INPP4B: variants seen among roughly 807,000 people sequenced by gnomAD.
The protein encoded by INPP4B is inositol polyphosphate-4-phosphatase type II B, also known as inositol polyphosphate 4-phosphatase type II.
Under a neutral mutation model 122.5 loss-of-function variants are expected in INPP4B, and 55 were observed. The observed-to-expected ratio is 0.45, with a 90% CI of 0.36 to 0.56. The LOEUF (loss-of-function observed/expected upper bound fraction) is 0.56. Ranked by LOEUF, INPP4B falls within the 20% of genes least tolerant of loss-of-function variation. INPP4B has a pLI of 0.00. For synonymous variants in INPP4B, 403 were observed against 388.7 expected (o/e 1.04, Z -0.43); for missense variants, 1,000 against 1,097.7 (o/e 0.91, Z 1.26).
intron 2 of INPP4B, among the ~76,000 whole-genome samples, chr4:142,653,472 C>G (rs1486340548): frequency 6.6e-6 from 1 of 152,048 alleles, no homozygotes; most frequent in East Asian, 1.9e-4. Context: ...GCAATCTACC[C>G]ATCTGACAAA....
chr4:142,362,938 A>G (rs942015573), intron 7 of INPP4B, among the ~76,000 whole-genome samples: 3 of 152,050 alleles, frequency 2.0e-5, no homozygotes, highest in Non-Finnish European at 4.4e-5. Context: ...TCTCAGCCTC[A>G]TGCAATATAT....
intron 21 of INPP4B, among the ~76,000 whole-genome samples, chr4:142,115,407 G>C (rs1792633348): frequency 6.6e-6 from 1 of 152,182 alleles, no homozygotes; most frequent in Non-Finnish European, 1.5e-5. Context: ...AGGGCAGTCA[G>C]AGAGAAAGAT....
chr4:142,459,206 T>A (rs1816183548), intron 3 of INPP4B, among the ~76,000 whole-genome samples: 1 of 151,596 alleles, frequency 6.6e-6, no homozygotes, highest in Admixed American at 6.6e-5. Flanking sequence ...TCACATATTA[T>A]GTGGCTTGAC....
chr4:142,188,259 G>A (rs1020196334), intron 15 of INPP4B, among the ~76,000 whole-genome samples: 7 of 151,518 alleles, frequency 4.6e-5, no homozygotes, highest in South Asian at 2.1e-4. Context: ...AGGCTGAGGC[G>A]GGTGGATTAC....
chr4:142,715,409 G>A (rs910754466), intron 2 of INPP4B, among the ~76,000 whole-genome samples: 1 of 152,156 alleles, frequency 6.6e-6, no homozygotes, highest in Non-Finnish European at 1.5e-5. Context: ...GTGGCTATCC[G>A]CTAGCATAGC....
At chr4:142,784,531 T>G (rs970096846) in intron 1 of INPP4B, among the ~76,000 whole-genome samples, 4 of 152,014 alleles carry the variant, frequency 2.6e-5, no homozygotes, top group African/African-American at 7.2e-5. Context: ...AGAGCTTACC[T>G]GGAGCAAAAG....
chr4:142,573,075 T>A (rs1733154029), intron 2 of INPP4B, among the ~76,000 whole-genome samples: 2 of 152,012 alleles, frequency 1.3e-5, no homozygotes, highest in African/African-American at 4.8e-5. Context: ...TCAGGAAACT[T>A]ATAATCATGG....
chr4:142,672,456 G>A (rs1166470289), intron 2 of INPP4B, among the ~76,000 whole-genome samples: 3 of 152,052 alleles, frequency 2.0e-5, no homozygotes, highest in Non-Finnish European at 1.5e-5. Context: ...TCAGACATTA[G>A]TTGATTTAGT....
intron 8 of INPP4B, among the ~76,000 whole-genome samples, chr4:142,309,279 C>T (rs1764539854): frequency 6.6e-6 from 1 of 151,236 alleles, no homozygotes; most frequent in Non-Finnish European, 1.5e-5. Flanking sequence ...AATGCCTGCA[C>T]TACAAAAAGA....
At chr4:142,620,051 A>G (rs1033738759) in intron 2 of INPP4B, among the ~76,000 whole-genome samples, 1 of 151,970 alleles carries the variant, frequency 6.6e-6, no homozygotes, top group Non-Finnish European at 1.5e-5. Context: ...CAGAGAAAAG[A>G]TAACTCTCAT....
chr4:142,144,222 TACAC>T (rs35496129), intron 18 of INPP4B, among the ~76,000 whole-genome samples: 12,328 of 144,840 alleles, frequency 0.085, 561 homozygotes, highest in African/African-American at 0.12. Flanking sequence ...AAATACAAGA[TACAC>T]ACACACACAC....
intron 2 of INPP4B, among the ~76,000 whole-genome samples, chr4:142,548,969 A>T (rs2150068304): frequency 6.6e-6 from 1 of 151,818 alleles, no homozygotes; most frequent in East Asian, 1.9e-4. Flanking sequence ...AAAAATGGGT[A>T]CGCTCTATTG....
Position 142,179,690 on chromosome 4 carries a change from A to T in INPP4B, c.1182-5881T>A, listed in dbSNP as rs79787248. The stretch of plus-strand genomic sequence containing the variant: ...GTTCTTACTTGTACTTTCTAAACCA[A>T]TGAAACGTCTTTTTTATGTACATCC... On this transcript the variant is annotated intron_variant, in intron 15 of 25. Coordinates refer to ENST00000262992, the MANE Select transcript of INPP4B (RefSeq NM_001101669.3). Among the ~76,000 whole-genome samples, 458 of 152,284 alleles carry T rather than the reference A, an allele frequency of 3.0e-3. 2 individuals carry two copies. Among genetic ancestry groups the T allele is most frequent in the African/African-American group, 0.01 (424 of 41,556 alleles).
In INPP4B at chr4:142,327,232, T is replaced by C. The variant is rs113844334; in HGVS notation, c.373-12470A>G. ...GAACAAAAGCACACGTCTATTAATC[T>C]GTTGCTCACTGAAAGTCATTAGTCC... On this transcript the variant is annotated intron_variant, in intron 7 of 25. Transcript: ENST00000262992. Among the ~76,000 whole-genome samples, 644 of 152,244 alleles carry C rather than the reference T, an allele frequency of 4.2e-3. 8 individuals carry two copies. Among genetic ancestry groups the C allele is most frequent in the African/African-American group, 0.014 (596 of 41,528 alleles).
At chr4:142,362,820 C>G (rs28707318) in intron 7 of INPP4B, among the ~76,000 whole-genome samples, 1 of 151,584 alleles carries the variant, frequency 6.6e-6, no homozygotes, top group Non-Finnish European at 1.5e-5. Flanking sequence ...GAGCAATGGA[C>G]ATTGAGTTTT....
chr4:142,126,241 T>C (rs898188838), intron 18 of INPP4B, among the ~76,000 whole-genome samples: 1 of 152,234 alleles, frequency 6.6e-6, no homozygotes, highest in African/African-American at 2.4e-5. Context: ...AAATTAATTA[T>C]AAAGCAGGAA....
chr4:142,804,074 T>C (rs1195554621), intron 1 of INPP4B, among the ~76,000 whole-genome samples: 1 of 150,354 alleles, frequency 6.7e-6, no homozygotes, highest in East Asian at 1.9e-4. Context: ...AATAAATAAA[T>C]AAATAAATAA....
intron 2 of INPP4B, among the ~76,000 whole-genome samples, chr4:142,622,243 TG>T (rs1241890883): frequency 1.3e-5 from 2 of 151,882 alleles, no homozygotes; most frequent in Non-Finnish European, 2.9e-5. Flanking sequence ...TTGCTAACAC[TG>T]ATACTTTTCA....
chr4:142,358,386 A>G (rs1305613976), intron 7 of INPP4B, among the ~76,000 whole-genome samples: 2 of 151,936 alleles, frequency 1.3e-5, no homozygotes, highest in African/African-American at 4.8e-5. Context: ...AAAGAGGACC[A>G]GCCATGTCTG....
Sources: gnomAD v4.1 joint callset for allele counts (sites outside exome capture counted in the v4.1 genomes callset) on GRCh38, gnomAD v4.1.1 for gene constraint, MANE v1.5 for transcripts, NCBI Gene and HGNC (gene_info 2026-07-23, HGNC 2026-07-21) for gene names.